Variants in API5 observed in about 807,000 individuals in gnomAD.
API5 encodes the protein FIF.
API5 carries 6 observed loss-of-function variants against 71.9 expected under a neutral mutation model. That is an observed-to-expected ratio of 0.08 (90% CI 0.05 to 0.16). The LOEUF (loss-of-function observed/expected upper bound fraction) is 0.16, where lower values mean the gene tolerates loss of function less well. Ranked by LOEUF, API5 falls within the 10% of genes least tolerant of loss-of-function variation. API5 has a pLI of 1.00. For missense variants in API5, 332 were observed against 612.8 expected (o/e 0.54, Z 4.84); for synonymous variants, 189 against 221.3 (o/e 0.85, Z 1.30).
chr11:43,312,006 G>A lies in API5; in HGVS notation c.-122G>A. The A allele has an allele frequency of 8.9e-7, 1 of 1,119,936 alleles. No individual in the cohort carries two copies. The allele number at this position is 1,119,936 out of a possible 1,614,324, so 69.4% of individuals were successfully genotyped here. A position where few individuals can be genotyped will look rare whatever the true frequency, so the allele number is the denominator to read the frequency against. ...GCCGCGCTGTGCGCGGTGACTGGCG[G>A]CTGCACTGGCGGCAGCTGGAGGTGT... On this transcript the variant is annotated 5_prime_UTR_variant, in exon 1 of 14. Coordinates refer to ENST00000531273, the MANE Select transcript of API5 (RefSeq NM_001142930.2).
At chr11:43,316,363 A>T (rs1854669921) in intron 1 of API5, among the ~76,000 whole-genome samples, 1 of 142,366 alleles carries the variant, frequency 7.0e-6, no homozygotes, top group African/African-American at 2.6e-5. Flanking sequence ...TTTTCTTGGC[A>T]AAAGGAAGTT....
chr11:43,323,705 T>G, intron 6 of API5, 69 bp downstream of exon 6: 1 of 1,448,732 alleles, frequency 6.9e-7, no homozygotes, highest in Non-Finnish European at 9.6e-7. Flanking sequence ...CACTTTAACA[T>G]TCCCCTTAAA....
At chr11:43,320,300 T>A (rs1854830199) in intron 2 of API5, among the ~76,000 whole-genome samples, 4 of 152,092 alleles carry the variant, frequency 2.6e-5, no homozygotes, top group African/African-American at 9.7e-5. Flanking sequence ...TGCTTCAGCC[T>A]CCCAAAGTGC....
At chr11:43,320,322 G>T (rs1228662615) in intron 2 of API5, among the ~76,000 whole-genome samples, 1 of 152,026 alleles carries the variant, frequency 6.6e-6, no homozygotes, top group African/African-American at 2.4e-5. Context: ...GGGATTACAG[G>T]TGTGAGCCAC....
At chr11:43,330,810 CAT>C (rs1235944329) in intron 11 of API5, among the ~76,000 whole-genome samples, 1 of 152,142 alleles carries the variant, frequency 6.6e-6, no homozygotes, top group Non-Finnish European at 1.5e-5. Flanking sequence ...TAAGAATGGA[CAT>C]GTGGTATGTA....
At position 43,328,590 on chromosome 11, in the gene API5, T is replaced by C. The variant is rs555202618; in HGVS notation, c.946-122T>C. On this transcript the variant is annotated intron_variant, in intron 8 of 13. Coordinates refer to ENST00000531273, the MANE Select transcript of API5 (RefSeq NM_001142930.2). ...AGTAAGTAAAAAAGAAATCCAAATG[T>C]CTGGTTTTGGTAGTTTTTAATGCTC... 9.8e-5 allele frequency: 82 copies of C among 837,848 alleles called. 1 individual carries two copies. In the South Asian group the frequency reaches 1.1e-3, roughly 12 times the overall value. 51.9% of individuals were successfully genotyped at this position (837,848 alleles called of 1,614,324 possible). A position where few individuals can be genotyped will look rare whatever the true frequency, so the allele number is the denominator to read the frequency against.
chr11:43,330,102 C>A, intron 10 of API5, 44 bp downstream of exon 10: 1 of 1,473,702 alleles, frequency 6.8e-7, no homozygotes, highest in South Asian at 1.1e-5. Context: ...AGTTCCATAC[C>A]AAACTATATA....
chr11:43,330,794 T>C (rs1212587779), intron 11 of API5, among the ~76,000 whole-genome samples: 3 of 152,240 alleles, frequency 2.0e-5, no homozygotes, highest in Admixed American at 1.3e-4. Flanking sequence ...CTGTTCTGCT[T>C]ACTCTTAAGA....
In API5 at chr11:43,312,038, G is replaced by A; in HGVS notation, c.-90G>A. 1 of 1,428,488 alleles carries A rather than the reference G, an allele frequency of 7.0e-7. No homozygotes were observed. The highest frequency in any genetic ancestry group is 1.9e-5 in the Admixed American group (1 of 52,828). The allele number at this position is 1,428,488 out of a possible 1,614,324, so 88.5% of individuals were successfully genotyped here. A position where few individuals can be genotyped will look rare whatever the true frequency, so the allele number is the denominator to read the frequency against. ...TGGCGGCAGCTGGAGGTGTAATAGT[G>A]CGGGTAGTGGGTTTGGAGAAGTTCC... is the stretch of plus-strand genomic sequence containing the variant. On this transcript the variant is annotated 5_prime_UTR_variant, in exon 1 of 14. Transcript: ENST00000531273.
In API5 at chr11:43,342,806, A is replaced by G. The variant is rs1590279424; in HGVS notation, c.*296A>G. The G allele has an allele frequency of 5.1e-6, 3 of 591,802 alleles. No homozygotes were observed. The highest frequency in any genetic ancestry group is 9.0e-6 in the Non-Finnish European group (3 of 333,632). The allele number at this position is 591,802 out of a possible 1,614,324, so 36.7% of individuals were successfully genotyped here. On this transcript the variant is annotated 3_prime_UTR_variant, in exon 14 of 14. Transcript: ENST00000531273. ...AACATCTTGATAATTTGTTGTTGAG[A>G]GCTGTTCATTCTAAAATGTAATGAA...
chr11:43,313,073 C>CTTCT (rs1232282561), intron 1 of API5, among the ~76,000 whole-genome samples: 3 of 149,336 alleles, frequency 2.0e-5, no homozygotes. Flanking sequence ...CTTCACTGCA[C>CTTCT]TCCAGCCTGG....
At chr11:43,317,603 A>C (rs1030292246) in intron 1 of API5, among the ~76,000 whole-genome samples, 17 of 152,182 alleles carry the variant, frequency 1.1e-4, no homozygotes, top group African/African-American at 4.1e-4. Flanking sequence ...TCAAGGTGCT[A>C]ATTAGAAACA....
chr11:43,327,558 C>G (rs1371571977), intron 7 of API5, among the ~76,000 whole-genome samples: 1 of 152,120 alleles, frequency 6.6e-6, no homozygotes, highest in Non-Finnish European at 1.5e-5. Context: ...TAGGGTCTGC[C>G]CTGCCACTTA....
At chr11:43,320,041 T>C (rs1172717329) in intron 2 of API5, among the ~76,000 whole-genome samples, 1 of 147,352 alleles carries the variant, frequency 6.8e-6, no homozygotes, top group Non-Finnish European at 1.5e-5. Flanking sequence ...GCAAATTCTC[T>C]CTTTTTTTTT....
rs1855151126 is a variant in API5, at chr11:43,328,643, C to A, written c.946-69C>A. ...TGCCTTAAAAACATGCACTGTAATTCCCTGAATATCTGTTTATAATTTGAA... is the reference window on the plus strand; with the variant it reads ...TGCCTTAAAAACATGCACTGTAATTACCTGAATATCTGTTTATAATTTGAA... On this transcript the variant is annotated intron_variant, in intron 8 of 13. Coordinates refer to ENST00000531273, the MANE Select transcript of API5 (RefSeq NM_001142930.2). The A allele has an allele frequency of 2.2e-6, 3 of 1,387,080 alleles. No individual in the cohort carries two copies. The East Asian group carries it at 7.3e-5, about 34-fold the overall frequency. The allele number at this position is 1,387,080 out of a possible 1,614,324, so 85.9% of individuals were successfully genotyped here.
intron 1 of API5, among the ~76,000 whole-genome samples, chr11:43,312,573 C>T (rs1340925704): frequency 6.6e-6 from 1 of 152,110 alleles, no homozygotes; most frequent in Admixed American, 6.6e-5. Flanking sequence ...GAGTTTTCTT[C>T]ATGAGGTCAA....
intron 5 of API5, among the ~76,000 whole-genome samples, chr11:43,322,999 A>G (rs1224833690): frequency 6.6e-6 from 1 of 152,166 alleles, no homozygotes; most frequent in Non-Finnish European, 1.5e-5. Context: ...ATTAATATGA[A>G]TTAGGCTGCT....
At chr11:43,333,852 G>A (rs1283465681) in intron 11 of API5, among the ~76,000 whole-genome samples, 1 of 152,170 alleles carries the variant, frequency 6.6e-6, no homozygotes, top group Non-Finnish European at 1.5e-5. Context: ...GTTTCCAGGA[G>A]TTAACTTTTC....
Position 43,343,210 on chromosome 11 carries a change from G to GTA in API5, c.*714_*715dup, listed in dbSNP as rs374650735. The GTA allele has an allele frequency of 2.4e-3, 361 of 149,638 alleles. 2 individuals carry two copies. Among genetic ancestry groups the GTA allele is most frequent in the South Asian group, 4.7e-3 (22 of 4,718 alleles). The allele number at this position is 149,638 out of a possible 1,614,324, so 9.3% of individuals were successfully genotyped here. On this transcript the variant is annotated 3_prime_UTR_variant, in exon 14 of 14. Coordinates refer to ENST00000531273, the MANE Select transcript of API5 (RefSeq NM_001142930.2). ...TAAGCATATATGTGTGTGTGTGTGT[G>GTA]TATATATATATATATGCATGCTGTG...
Sources: allele counts gnomAD v4.1 joint callset (sites outside exome capture counted in the v4.1 genomes callset), GRCh38; gene constraint gnomAD v4.1.1; transcripts MANE v1.5; gene names NCBI Gene and HGNC (gene_info 2026-07-23, HGNC 2026-07-21).